Variants in MELK observed in about 807,000 individuals in gnomAD.
MELK encodes maternal embryonic leucine zipper kinase.
MELK carries 81 observed loss-of-function variants against 85.0 expected under a neutral mutation model. That is an observed-to-expected ratio of 0.95 (90% CI 0.80 to 1.15). MELK has a LOEUF of 1.15. Among genes scored for constraint, MELK ranks in the 50% most tolerant of loss-of-function variants. The pLI is 0.00. For missense variants in MELK, 754 were observed against 777.5 expected, an observed-to-expected ratio of 0.97 and a Z score of 0.36; for synonymous variants, 252 against 265.0, an observed-to-expected ratio of 0.95 and a Z score of 0.48.
chr9:36,588,772 C>T (rs1207211069), intron 3 of MELK, among the ~76,000 whole-genome samples: 2 of 152,064 alleles, frequency 1.3e-5, no homozygotes, highest in South Asian at 2.1e-4. Flanking sequence ...GCTTATCTTC[C>T]TCTCCCCACC....
intron 1 of MELK, among the ~76,000 whole-genome samples, chr9:36,574,217 A>G (rs1315413214): frequency 6.6e-6 from 1 of 151,950 alleles, no homozygotes; most frequent in Non-Finnish European, 1.5e-5. Context: ...TGAGTGCCTC[A>G]TTGTTGGTGC....
chr9:36,604,085 T>C (rs1473080198), intron 7 of MELK, among the ~76,000 whole-genome samples: 1 of 147,058 alleles, frequency 6.8e-6, no homozygotes, highest in Non-Finnish European at 1.5e-5. Context: ...TTCTCCTGCC[T>C]CAGCCTCCCG....
intron 11 of MELK, among the ~76,000 whole-genome samples, chr9:36,646,111 C>G (rs1830194981): frequency 6.6e-6 from 1 of 152,148 alleles, no homozygotes; most frequent in Non-Finnish European, 1.5e-5. Flanking sequence ...AAACATCCTT[C>G]AATGCACAGA....
intron 12 of MELK, among the ~76,000 whole-genome samples, chr9:36,657,020 G>GCAAACCTT (rs1831317371): frequency 6.6e-6 from 1 of 152,224 alleles, no homozygotes; most frequent in Admixed American, 6.5e-5. Context: ...TTGTAGTGTA[G>GCAAACCTT]GAGCAACAGG....
At chr9:36,664,205 G>T (rs566834912) in intron 13 of MELK, among the ~76,000 whole-genome samples, 1 of 151,754 alleles carries the variant, frequency 6.6e-6, no homozygotes, top group African/African-American at 2.4e-5. Context: ...GTAGTCTTTT[G>T]TTCTTTACTC....
rs1321109637 is a variant in MELK at position 36,615,071 on chromosome 9, AC to A, written c.666+7408del. On this transcript the variant is annotated intron_variant, in intron 8 of 17. Coordinates refer to ENST00000298048, the MANE Select transcript of MELK (RefSeq NM_014791.4). ...GGCAGCTGGCCGGGCGGGGGGGCTG[AC>A]CCCCCCCCCACCTCCCTCCCGGACG... is the stretch of plus-strand genomic sequence containing the variant. Among the ~76,000 whole-genome samples, 53 of 60,426 alleles carry A rather than the reference AC, an allele frequency of 8.8e-4. 1 individual carries two copies. The highest frequency in any genetic ancestry group is 1.8e-3 in the African/African-American group (16 of 9,118). 39.6% of individuals were successfully genotyped at this position (60,426 alleles called of 152,430 possible).
intron 8 of MELK, among the ~76,000 whole-genome samples, chr9:36,617,605 C>T (rs1214980837): frequency 1.3e-5 from 2 of 152,182 alleles, no homozygotes; most frequent in Admixed American, 6.5e-5. Context: ...TAGGCATGAG[C>T]CACTGTGCCC....
chr9:36,610,648 C>T (rs1825985050), intron 8 of MELK, among the ~76,000 whole-genome samples: 1 of 152,152 alleles, frequency 6.6e-6, no homozygotes, highest in Admixed American at 6.5e-5. Context: ...GCACTCGTTG[C>T]TTTGGCTTCT....
intron 7 of MELK, among the ~76,000 whole-genome samples, chr9:36,604,982 CTT>C (rs1043318349): frequency 1.3e-5 from 2 of 150,280 alleles, no homozygotes; most frequent in African/African-American, 4.9e-5. Flanking sequence ...AAGTCTTGCT[CTT>C]GTCCCCCAGG....
chr9:36,632,041 C>CTA (rs1438099225), intron 9 of MELK, among the ~76,000 whole-genome samples: 8 of 152,264 alleles, frequency 5.3e-5, no homozygotes, highest in South Asian at 2.1e-4. Flanking sequence ...ATTGAATGGG[C>CTA]CCTGTTACCT....
At position 36,633,007 on chromosome 9, in the gene MELK, A is replaced by C. The variant is rs7039344; in HGVS notation, c.736-95A>C. 8.0e-3 allele frequency: 6,673 copies of C among 837,994 alleles called. 326 individuals are homozygous for C. The African/African-American group carries it at 0.1, about 13-fold the overall frequency. 51.9% of individuals were successfully genotyped at this position (837,994 alleles called of 1,614,324 possible). On this transcript the variant is annotated intron_variant, in intron 9 of 17. Transcript: ENST00000298048. ...GCATTTTTGTGATGATAAAGTTTAC[A>C]TCTGTTCTGATGCATTTTTAGTTTT...
At chr9:36,610,325 A>G (rs1825959128) in intron 8 of MELK, among the ~76,000 whole-genome samples, 1 of 152,206 alleles carries the variant, frequency 6.6e-6, no homozygotes, top group South Asian at 2.1e-4. Flanking sequence ...AGTTTTTCCT[A>G]TATCCCACCT....
chr9:36,603,960 GTTTT>G (rs993440984), intron 7 of MELK, among the ~76,000 whole-genome samples: 3 of 151,864 alleles, frequency 2.0e-5, no homozygotes, highest in African/African-American at 4.8e-5. Context: ...CTTCTTGTGT[GTTTT>G]TTTGTTTGTT....
intron 8 of MELK, among the ~76,000 whole-genome samples, chr9:36,620,927 C>T (rs1243727488): frequency 6.6e-6 from 1 of 151,882 alleles, no homozygotes; most frequent in Non-Finnish European, 1.5e-5. Context: ...ATTGCACCTG[C>T]CAACATTTGC....
intron 11 of MELK, among the ~76,000 whole-genome samples, chr9:36,644,207 TTTTGTG>T (rs1316483399): frequency 1.0e-4 from 10 of 98,252 alleles, no homozygotes; most frequent in East Asian, 8.8e-4. Flanking sequence ...CATACCTGTG[TTTTGTG>T]TGTGTGTGTG....
chr9:36,596,059 G>A (rs1395356959), intron 5 of MELK, among the ~76,000 whole-genome samples: 10 of 152,026 alleles, frequency 6.6e-5, no homozygotes, highest in East Asian at 3.9e-4. Flanking sequence ...CAAGTGATGC[G>A]CCTGCCTTGG....
At chr9:36,609,917 G>T (rs2135909193) in intron 8 of MELK, among the ~76,000 whole-genome samples, 1 of 152,272 alleles carries the variant, frequency 6.6e-6, no homozygotes, top group African/African-American at 2.4e-5. Flanking sequence ...AACGGCAAAG[G>T]GTGAGGAATG....
At chr9:36,613,036 C>T (rs984314924) in intron 8 of MELK, among the ~76,000 whole-genome samples, 4 of 152,158 alleles carry the variant, frequency 2.6e-5, no homozygotes, top group African/African-American at 9.7e-5. Flanking sequence ...GGTTTTCCCC[C>T]GTGTAATGTG....
At chr9:36,586,962 C>T (rs528945043) in intron 3 of MELK, among the ~76,000 whole-genome samples, 3 of 151,316 alleles carry the variant, frequency 2.0e-5, no homozygotes, top group South Asian at 4.2e-4. Context: ...CCCAGGTTCA[C>T]GCCATTCTCC....
Sources: allele counts gnomAD v4.1 joint callset (sites outside exome capture counted in the v4.1 genomes callset), GRCh38; gene constraint gnomAD v4.1.1; transcripts MANE v1.5; gene names NCBI Gene and HGNC (gene_info 2026-07-23, HGNC 2026-07-21).